Variants in GCNT1 observed in about 807,000 individuals in gnomAD.
GCNT1 encodes beta-1,3-galactosyl-O-glycosyl-glycoprotein beta-1,6-N-acetylglucosaminyltransferase.
Under a neutral mutation model 26.2 loss-of-function variants are expected in GCNT1, and 16 were observed. The observed-to-expected ratio is 0.61, with a 90% CI of 0.41 to 0.93. The LOEUF is 0.93. GCNT1 is among the 40% of genes least tolerant of loss of function. The pLI, the probability that GCNT1 is intolerant of heterozygous loss-of-function variation, is 0.00. For synonymous variants in GCNT1, 183 were observed against 190.8 expected, an observed-to-expected ratio of 0.96 and a Z score of 0.34; for missense variants, 477 against 526.7, an observed-to-expected ratio of 0.91 and a Z score of 0.92.
At chr9:76,423,909 C>T (rs1244500257) in intron 1 of GCNT1, among the ~76,000 whole-genome samples, 1 of 152,184 alleles carries the variant, frequency 6.6e-6, no homozygotes, top group Non-Finnish European at 1.5e-5. Flanking sequence ...GCTTGCTTTT[C>T]CTTGAACCTG....
intron 2 of GCNT1, among the ~76,000 whole-genome samples, chr9:76,478,072 G>A (rs1271173726): frequency 6.6e-6 from 1 of 152,280 alleles, no homozygotes. Flanking sequence ...CTGTAAAATG[G>A]ACCAATCAGT....
intron 2 of GCNT1, among the ~76,000 whole-genome samples, chr9:76,473,164 G>A (rs1824178217): frequency 6.6e-6 from 1 of 152,182 alleles, no homozygotes; most frequent in Admixed American, 6.5e-5. Flanking sequence ...AACACTAGAT[G>A]CTTCCTGAAG....
intron 2 of GCNT1, among the ~76,000 whole-genome samples, chr9:76,482,400 T>C (rs1236771484): frequency 6.6e-6 from 1 of 150,836 alleles, no homozygotes; most frequent in Non-Finnish European, 1.5e-5. Flanking sequence ...GGCGGGCGGA[T>C]CACGAGGTCA....
upstream of GCNT1, among the ~76,000 whole-genome samples, chr9:76,456,126 G>A (rs1188429178): frequency 6.6e-6 from 1 of 152,120 alleles, no homozygotes; most frequent in African/African-American, 2.4e-5. Flanking sequence ...CTTCTGCTTT[G>A]TGAGCCAGGG....
At chr9:76,415,362 G>A (rs1293430205), upstream of GCNT1, among the ~76,000 whole-genome samples, 18 of 152,222 alleles carry the variant, frequency 1.2e-4, no homozygotes, top group African/African-American at 4.1e-4. Flanking sequence ...TGACCTTGAC[G>A]GTGAACTTCA....
chr9:76,411,563 A>G, the GCNT1 span, among the ~76,000 whole-genome samples: 4,698 of 152,016 alleles, frequency 0.031, 96 homozygotes, highest in Non-Finnish European at 0.048. Flanking sequence ...TCCTGGGCTC[A>G]AGCCATCCAC....
At chr9:76,432,729 CT>C (rs2131577506) in intron 1 of GCNT1, among the ~76,000 whole-genome samples, 1 of 152,300 alleles carries the variant, frequency 6.6e-6, no homozygotes, top group Admixed American at 6.5e-5. Context: ...AAAACCCCAC[CT>C]TCAAGCCAAA....
In GCNT1 at chr9:76,503,700, G is replaced by C. The variant is rs1029618191; in HGVS notation, c.*32G>C. 1.3e-6 allele frequency: 2 copies of C among 1,541,668 alleles called. No individual in the cohort carries two copies. The highest frequency in any genetic ancestry group is 1.5e-5 in the African/African-American group (1 of 68,206). ...CGGGCAATTTTATGAACAAGAAGAAGGATACACAAAACGTACCCTTATCTG... is the reference window on the plus strand; with the variant it reads ...CGGGCAATTTTATGAACAAGAAGAACGATACACAAAACGTACCCTTATCTG... On this transcript the variant is annotated 3_prime_UTR_variant, in exon 4 of 4. Transcript: ENST00000376730.
upstream of GCNT1, among the ~76,000 whole-genome samples, chr9:76,415,246 A>C (rs538037115): frequency 3.3e-5 from 5 of 152,128 alleles, no homozygotes; most frequent in Non-Finnish European, 7.4e-5. Context: ...TTGTGGAGAC[A>C]GAGTTTCACC....
the GCNT1 span, among the ~76,000 whole-genome samples, chr9:76,402,481 TGCACCAAAAAAAA>T: frequency 6.6e-6 from 1 of 152,178 alleles, no homozygotes; most frequent in Non-Finnish European, 1.5e-5. Context: ...ATTGTTATTT[TGCACCAAAAAAAA>T]GCAGACTGAG....
the GCNT1 span, chr9:76,394,020 T>TCTCG: frequency 1.4e-6 from 2 of 1,452,596 alleles, no homozygotes; most frequent in Non-Finnish European, 1.9e-6. Flanking sequence ...CGGTCCCAAG[T>TCTCG]CCCCGGCTGC....
chr9:76,419,170 A>G (rs1248354425), upstream of GCNT1, among the ~76,000 whole-genome samples: 1 of 152,090 alleles, frequency 6.6e-6, no homozygotes, highest in Non-Finnish European at 1.5e-5. Context: ...TTCGATTCTC[A>G]GTGCTTAATC....
At chr9:76,412,828 C>T in the GCNT1 span, among the ~76,000 whole-genome samples, 2 of 152,196 alleles carry the variant, frequency 1.3e-5, no homozygotes, top group African/African-American at 4.8e-5. Flanking sequence ...TGCTGAACCC[C>T]CTACTGCACT....
intron 2 of GCNT1, among the ~76,000 whole-genome samples, chr9:76,475,737 G>A (rs1221259633): frequency 6.6e-6 from 1 of 152,198 alleles, no homozygotes; most frequent in East Asian, 1.9e-4. Context: ...GTGTGTACCA[G>A]TCACTGTGCT....
At chr9:76,475,610 G>A (rs1403674412) in intron 2 of GCNT1, among the ~76,000 whole-genome samples, 2 of 151,616 alleles carry the variant, frequency 1.3e-5, no homozygotes, top group African/African-American at 2.4e-5. Flanking sequence ...AGACTTGACC[G>A]AGGCCACTAA....
At chr9:76,437,625 T>C (rs1363023305), upstream of GCNT1, among the ~76,000 whole-genome samples, 2 of 152,228 alleles carry the variant, frequency 1.3e-5, no homozygotes, top group African/African-American at 4.8e-5. Context: ...ATACTTGTTT[T>C]CACTTTACTC....
upstream of GCNT1, among the ~76,000 whole-genome samples, chr9:76,458,137 G>A (rs1410853260): frequency 6.8e-6 from 1 of 147,360 alleles, no homozygotes; most frequent in Non-Finnish European, 1.5e-5. Flanking sequence ...AATCAGGCAA[G>A]TGTCAAACAT....
intron 1 of GCNT1, among the ~76,000 whole-genome samples, chr9:76,421,502 G>A (rs1456549193): frequency 6.6e-6 from 1 of 150,800 alleles, no homozygotes; most frequent in Non-Finnish European, 1.5e-5. Flanking sequence ...TACTAGGGAG[G>A]CTGAGGCACG....
At chr9:76,461,364 G>A (rs1217764043) in intron 2 of GCNT1, among the ~76,000 whole-genome samples, 5 of 151,790 alleles carry the variant, frequency 3.3e-5, no homozygotes, top group East Asian at 1.9e-4. Flanking sequence ...AGGCCCAGGC[G>A]GGTGGATCAC....
Sources: gnomAD v4.1 joint callset for allele counts (sites outside exome capture counted in the v4.1 genomes callset) on GRCh38, gnomAD v4.1.1 for gene constraint, MANE v1.5 for transcripts, NCBI Gene and HGNC (gene_info 2026-07-23, HGNC 2026-07-21) for gene names.